The following LAMB1 variants were observed in gnomAD, a reference collection of about 807,000 sequenced individuals.
LAMB1 encodes laminin subunit beta 1, also known as laminin subunit beta-1.
A neutral mutation model predicts 222.3 loss-of-function variants in LAMB1; 121 were observed. The ratio of observed to expected loss-of-function variants is 0.54; its 90% CI spans 0.47 to 0.63. The LOEUF (loss-of-function observed/expected upper bound fraction) is 0.63, where lower values mean the gene tolerates loss of function less well. LAMB1 is among the 30% of genes least tolerant of loss of function. The pLI is 0.00. For synonymous variants in LAMB1, 794 were observed against 807.2 expected, an observed-to-expected ratio of 0.98 and a Z score of 0.28; for missense variants, 2,172 against 2,240.8, an observed-to-expected ratio of 0.97 and a Z score of 0.62.
chr7:107,972,676 A>G (rs1207997328), intron 13 of LAMB1, among the ~76,000 whole-genome samples: 1 of 152,200 alleles, frequency 6.6e-6, no homozygotes, highest in Non-Finnish European at 1.5e-5. Flanking sequence ...ATTGTTGAAA[A>G]ATAAAATGGT....
intron 17 of LAMB1, 42 bp from the exon 18 acceptor site, chr7:107,960,691 C>G (rs781101714): frequency 1.9e-6 from 3 of 1,556,802 alleles, no homozygotes; most frequent in Non-Finnish European, 1.8e-6. Flanking sequence ...TACAGTGGTG[C>G]CCCATGGCAT....
At chr7:107,952,314 A>G (rs1428136685) in intron 22 of LAMB1, 91 bp from the exon 23 acceptor site, 1 of 906,244 alleles carries the variant, frequency 1.1e-6, no homozygotes, top group Non-Finnish European at 1.7e-6. Context: ...AGATGTTCCC[A>G]CTTCACATCT....
intron 20 of LAMB1, among the ~76,000 whole-genome samples, chr7:107,959,011 C>T (rs930520330): frequency 1.3e-5 from 2 of 152,204 alleles, no homozygotes; most frequent in African/African-American, 4.8e-5. Context: ...GCCAAGAGGA[C>T]GGATTCATGT....
chr7:107,986,065 A>C lies in LAMB1; in HGVS notation c.633T>G (p.Asp211Glu), dbSNP rs758593943. 1.2e-6 allele frequency: 2 copies of C among 1,612,624 alleles called. No homozygotes were observed. Among genetic ancestry groups the C allele is most frequent in the South Asian group, 2.2e-5 (2 of 91,046 alleles). Residue 211 changes from aspartate (D) to glutamate (E), a missense_variant, in exon 7 of 34, where the codon GAT (aspartate) becomes GAG (glutamate). Coordinates refer to ENST00000222399, the MANE Select transcript of LAMB1 (RefSeq NM_002291.3). ...AAGGATCTTCTATTTTGAAAGCAGG[A>C]TCTAAAGCACGAAATATCACCTAAA... ...TEGEVIFRAL[D>E]PAFKIEDPYS...
chr7:107,985,922 A>C (rs1048170465), intron 7 of LAMB1, 100 bp downstream of exon 7: 18 of 886,600 alleles, frequency 2.0e-5, no homozygotes, highest in African/African-American at 3.3e-5. Flanking sequence ...GCACCATTGC[A>C]CTCCAGCCTG....
intron 4 of LAMB1, among the ~76,000 whole-genome samples, chr7:107,995,863 A>G (rs1244201581): frequency 1.3e-5 from 2 of 152,236 alleles, no homozygotes; most frequent in African/African-American, 4.8e-5. Context: ...AGAATGAATC[A>G]TGTCACAGAC....
At chr7:107,963,640 G>A (rs1014840993) in intron 14 of LAMB1, among the ~76,000 whole-genome samples, 2 of 152,200 alleles carry the variant, frequency 1.3e-5, no homozygotes, top group African/African-American at 2.4e-5. Flanking sequence ...GTATGTACCC[G>A]TGTGTGGCCT....
At chr7:107,962,654 C>T (rs2033531974) in intron 15 of LAMB1, among the ~76,000 whole-genome samples, 1 of 146,648 alleles carries the variant, frequency 6.8e-6, no homozygotes, top group South Asian at 2.1e-4. Flanking sequence ...GCGGAGATTG[C>T]AGTGAGCCGA....
At chr7:107,984,334 C>T (rs1426735422) in intron 7 of LAMB1, among the ~76,000 whole-genome samples, 1 of 152,172 alleles carries the variant, frequency 6.6e-6, no homozygotes, top group Non-Finnish European at 1.5e-5. Context: ...CTGCAACCTC[C>T]ACCTCCTGGG....
At chr7:107,993,460 C>CAG (rs1350322060) in intron 5 of LAMB1, among the ~76,000 whole-genome samples, 5 of 152,086 alleles carry the variant, frequency 3.3e-5, no homozygotes, top group Non-Finnish European at 7.4e-5. Flanking sequence ...CTGCATGTCT[C>CAG]AGTTCAATCA....
rs199756015 is a variant in LAMB1 at position 107,961,601 on chromosome 7, T to C, written c.1933A>G (p.Asn645Asp). The change falls in exon 16 of 34, where the codon AAT becomes GAT. Residue 645 changes from asparagine (N) to aspartate (D), a missense_variant. Coordinates refer to ENST00000222399, the MANE Select transcript of LAMB1 (RefSeq NM_002291.3). ...TGGTTGTCATCATCGGGGATGGTAT[T>C]ACCACATCGGCTGCTGGTTGGAATC... ...GRIPTSSRCG[N>D]TIPDDDNQVV... The C allele has an allele frequency of 5.6e-6, 9 of 1,614,142 alleles. No individual in the cohort carries two copies. Among genetic ancestry groups the C allele is most frequent in the Non-Finnish European group, 7.6e-6 (9 of 1,179,992 alleles).
At position 107,961,206 on chromosome 7, in the gene LAMB1, A is replaced by G. The variant is rs766484620; in HGVS notation, c.2109T>C (p.Ser703=). 3.1e-6 allele frequency: 5 copies of G among 1,614,030 alleles called. No homozygotes were observed. In the South Asian group the frequency reaches 5.5e-5, roughly 18 times the overall value. Residue 703 remains serine, a splice_region_variant and synonymous_variant, in exon 17 of 34, where the codon TCT becomes TCC. Coordinates refer to ENST00000222399, the MANE Select transcript of LAMB1 (RefSeq NM_002291.3). ...DVESPYTLID[S]LVLMPYCKSL... The stretch of plus-strand genomic sequence containing the variant: ...ATGCCAGAAGCAATCTCGCACTTAC[A>G]GAATCGATCAGCGTGTAGGGGCTCT...
At chr7:107,967,997 G>A (rs946126945) in intron 13 of LAMB1, among the ~76,000 whole-genome samples, 1 of 152,134 alleles carries the variant, frequency 6.6e-6, no homozygotes, top group African/African-American at 2.4e-5. Flanking sequence ...GAGAGGACAG[G>A]AATAACAGGA....
rs1211457652 is a variant in LAMB1 at position 107,926,289 on chromosome 7, C to G, written c.4958G>C (p.Arg1653Thr). The part of the protein sequence containing the change: ...NASQRISELE[R>T]NVEELKRKAA... ...TTTCCGCTTAAGTTCTTCCACATTC[C>G]TCTCTAACTCGCTGATGCGCTGGGA... The change falls in exon 32 of 34, where the codon AGG (arginine) becomes ACG (threonine). Residue 1653 changes from arginine to threonine, a missense_variant. By Grantham distance (71) the Arg-to-Thr change is moderately conservative (BLOSUM62 -1). Coordinates refer to ENST00000222399, the MANE Select transcript of LAMB1 (RefSeq NM_002291.3). 1.9e-6 allele frequency: 3 copies of G among 1,613,880 alleles called. No homozygotes were observed. The highest frequency in any genetic ancestry group is 2.5e-6 in the Non-Finnish European group (3 of 1,179,886).
At chr7:107,958,828 T>C (rs1381641204) in intron 20 of LAMB1, among the ~76,000 whole-genome samples, 1 of 152,232 alleles carries the variant, frequency 6.6e-6, no homozygotes, top group African/African-American at 2.4e-5. Context: ...GAAACTGTAG[T>C]TGCATAAAAC....
intron 25 of LAMB1, among the ~76,000 whole-genome samples, chr7:107,937,961 T>C (rs1054581291): frequency 1.3e-5 from 2 of 152,216 alleles, no homozygotes; most frequent in African/African-American, 2.4e-5. Flanking sequence ...AGCCGTACTT[T>C]TGACATCTAT....
Position 107,940,189 on chromosome 7 carries a change from A to C in LAMB1, c.3561T>G (p.Asp1187Glu). Residue 1187 changes from aspartate to glutamate, a missense_variant, in exon 25 of 34, where the codon GAT becomes GAG. Coordinates refer to ENST00000222399, the MANE Select transcript of LAMB1 (RefSeq NM_002291.3). Reference protein sequence around the residue: ...TPCHQCFALWDVIIAELTNRT... With the variant: ...TPCHQCFALWEVIIAELTNRT... ...TGTTGGTCAGCTCGGCAATGATCACATCCCAGAGAGCAAAGCACTGGTGGC... is the reference window on the plus strand; with the variant it reads ...TGTTGGTCAGCTCGGCAATGATCACCTCCCAGAGAGCAAAGCACTGGTGGC... 1 of 1,614,126 alleles carries C rather than the reference A, an allele frequency of 6.2e-7. No homozygotes were observed. Among genetic ancestry groups the C allele is most frequent in the Non-Finnish European group, 8.5e-7 (1 of 1,180,018 alleles).
At chr7:107,990,395 CTAAA>C (rs1312303034) in intron 5 of LAMB1, among the ~76,000 whole-genome samples, 1 of 152,100 alleles carries the variant, frequency 6.6e-6, no homozygotes, top group Admixed American at 6.6e-5. Context: ...TGTGTACATG[CTAAA>C]TGAGCTTTTG....
Position 107,975,383 on chromosome 7 carries a change from T to C in LAMB1, c.1220A>G (p.Asn407Ser). 1 of 1,613,354 alleles carries C rather than the reference T, an allele frequency of 6.2e-7. No individual in the cohort carries two copies. The change falls in exon 11 of 34, where the codon AAT (asparagine) becomes AGT (serine). Residue 407 changes from asparagine (N) to serine (S), a missense_variant. By Grantham distance (46) the Asn-to-Ser change is conservative (BLOSUM62 1). Coordinates refer to ENST00000222399, the MANE Select transcript of LAMB1 (RefSeq NM_002291.3). ...RCTCDPAGSQ[N>S]EGICDSYTDF... The stretch of plus-strand genomic sequence containing the variant: ...AGTATAGCTGTCACAAATTCCCTCA[T>C]TTTGAGAGCCAGCTGGGTCACACGT...
Sources: gnomAD v4.1 joint callset for allele counts (sites outside exome capture counted in the v4.1 genomes callset) on GRCh38, gnomAD v4.1.1 for gene constraint, MANE v1.5 for transcripts, NCBI Gene and HGNC (gene_info 2026-07-23, HGNC 2026-07-21) for gene names.